The following DNAI4 variants were observed in gnomAD, a reference collection of about 807,000 sequenced individuals.
DNAI4 encodes the protein WD repeat domain 78.
A neutral mutation model predicts 105.8 loss-of-function variants in DNAI4; 85 were observed. The observed-to-expected ratio is 0.80, with a 90% CI of 0.67 to 0.96. The LOEUF (loss-of-function observed/expected upper bound fraction) is 0.96, where lower values mean the gene tolerates loss of function less well. Among genes scored for constraint, DNAI4 ranks in the 40% least tolerant of loss-of-function variants. DNAI4 has a pLI of 0.00. For missense variants in DNAI4, 1,014 were observed against 1,005.6 expected, an observed-to-expected ratio of 1.01 and a Z score of -0.11; for synonymous variants, 352 against 331.5, an observed-to-expected ratio of 1.06 and a Z score of -0.67.
In DNAI4 at chr1:66,835,559, A is replaced by G. The variant is rs1572615647; in HGVS notation, c.1733+67T>C. ...AACAAAAATATTTACTCAAAACTAA[A>G]TAACATTAGAGTAAATCCTCCTGAA... On this transcript the variant is annotated intron_variant, in intron 11 of 16. Transcript: ENST00000371026. 20 of 1,497,476 alleles carry G rather than the reference A, an allele frequency of 1.3e-5. No individual in the cohort carries two copies. In the East Asian group the frequency reaches 1.8e-4, roughly 14 times the overall value. The allele number at this position is 1,497,476 out of a possible 1,614,324, so 92.8% of individuals were successfully genotyped here. A position where few individuals can be genotyped will look rare whatever the true frequency, so the allele number is the denominator to read the frequency against.
chr1:66,873,933 C>G (rs890400666), intron 5 of DNAI4, among the ~76,000 whole-genome samples: 1 of 129,122 alleles, frequency 7.7e-6, no homozygotes, highest in Non-Finnish European at 1.6e-5. Flanking sequence ...TATTCATGAT[C>G]TAACATGTAC....
In DNAI4 at chr1:66,915,007, T is replaced by C. The variant is rs568931620; in HGVS notation, c.171-9632A>G. On this transcript the variant is annotated intron_variant, in intron 1 of 16. Transcript: ENST00000371026. ...TCCTAAGAATTGCCAGCATACATTTTGTTTGCATTTATTAATCAAGCAATT... is the reference window on the plus strand; with the variant it reads ...TCCTAAGAATTGCCAGCATACATTTCGTTTGCATTTATTAATCAAGCAATT... Among the ~76,000 whole-genome samples, 8 of 152,356 alleles carry C rather than the reference T, an allele frequency of 5.3e-5. No homozygotes were observed. The South Asian group carries it at 1.7e-3, about 32-fold the overall frequency.
chr1:66,852,203 A>T (rs1303251502), intron 7 of DNAI4, among the ~76,000 whole-genome samples: 1 of 151,810 alleles, frequency 6.6e-6, no homozygotes, highest in Non-Finnish European at 1.5e-5. Flanking sequence ...TATTAATAAT[A>T]TAATTTGAAT....
At chr1:66,875,730 A>C (rs1646946215) in intron 4 of DNAI4, among the ~76,000 whole-genome samples, 1 of 152,102 alleles carries the variant, frequency 6.6e-6, no homozygotes, top group Non-Finnish European at 1.5e-5. Flanking sequence ...CTTTAGGAAA[A>C]CTTAAAAACG....
intron 9 of DNAI4, 53 bp downstream of exon 9, chr1:66,840,416 A>G: frequency 6.6e-7 from 1 of 1,514,920 alleles, no homozygotes; most frequent in Non-Finnish European, 9.2e-7. Flanking sequence ...TTCGAACTTG[A>G]TAATTTCCCT....
At chr1:66,892,430 T>C (rs1290198984) in intron 3 of DNAI4, among the ~76,000 whole-genome samples, 1 of 152,300 alleles carries the variant, frequency 6.6e-6, no homozygotes, top group Non-Finnish European at 1.5e-5. Context: ...TGAAGAAAAA[T>C]GTCTAATGAG....
intron 13 of DNAI4, among the ~76,000 whole-genome samples, chr1:66,830,786 AAAAT>A (rs1434659335): frequency 6.6e-6 from 1 of 150,760 alleles, no homozygotes; most frequent in Non-Finnish European, 1.5e-5. Context: ...GTCTCAAAAA[AAAAT>A]AAATAAATAA....
chr1:66,904,354 T>C (rs1649076900), intron 2 of DNAI4, among the ~76,000 whole-genome samples: 1 of 152,188 alleles, frequency 6.6e-6, no homozygotes, highest in Admixed American at 6.5e-5. Context: ...TTCCTCCACA[T>C]ACTTGTCAAT....
At chr1:66,909,609 T>A (rs1446548659) in intron 1 of DNAI4, among the ~76,000 whole-genome samples, 1 of 152,010 alleles carries the variant, frequency 6.6e-6, no homozygotes, top group Non-Finnish European at 1.5e-5. Flanking sequence ...GGTTAACTCA[T>A]CTAATGCCAT....
At chr1:66,849,079 T>A (rs751434664) in intron 7 of DNAI4, among the ~76,000 whole-genome samples, 1 of 152,136 alleles carries the variant, frequency 6.6e-6, no homozygotes, top group Non-Finnish European at 1.5e-5. Context: ...CAGCTGGGGA[T>A]CCTGGAATTC....
intron 7 of DNAI4, among the ~76,000 whole-genome samples, chr1:66,851,592 T>C (rs1364873634): frequency 2.6e-5 from 4 of 151,796 alleles, no homozygotes; most frequent in Non-Finnish European, 5.9e-5. Flanking sequence ...CTTCTCCAAT[T>C]ACAGTGGAAT....
chr1:66,884,803 C>T (rs567101121), intron 4 of DNAI4, among the ~76,000 whole-genome samples: 2 of 152,268 alleles, frequency 1.3e-5, no homozygotes, highest in South Asian at 2.1e-4. Context: ...TACCAAATAG[C>T]GTAATTGCTT....
In DNAI4 at chr1:66,840,541, T is replaced by C. The variant is rs1386673463; in HGVS notation, c.1422A>G (p.Arg474=). 1 of 1,614,194 alleles carries C rather than the reference T, an allele frequency of 6.2e-7. No individual in the cohort carries two copies. Among genetic ancestry groups the C allele is most frequent in the South Asian group, 1.1e-5 (1 of 91,082 alleles). The change falls in exon 9 of 17, where the codon CGA becomes CGG. Residue 474 remains arginine (R), a synonymous_variant. Transcript: ENST00000371026. ...TTAAGTCACAGGAAAAAGACCAAAG[T>C]CGTTCCAAGTTGGCGGGTATTGTTG... ...EESTIPANLE[R]LWSFSCDLTK...
At chr1:66,821,976 G>A (rs1415355080) in intron 16 of DNAI4, among the ~76,000 whole-genome samples, 1 of 151,996 alleles carries the variant, frequency 6.6e-6, no homozygotes, top group Non-Finnish European at 1.5e-5. Context: ...CCCATTTCAG[G>A]AACATTGGAA....
chr1:66,833,733 C>T (rs770180802), intron 12 of DNAI4, 27 bp from the exon 13 acceptor site: 5 of 1,605,462 alleles, frequency 3.1e-6, no homozygotes, highest in Non-Finnish European at 4.2e-6. Context: ...ACATATATAA[C>T]TTGTTATTTA....
chr1:66,874,677 G>GTA, intron 5 of DNAI4, 104 bp downstream of exon 5: 2 of 1,183,698 alleles, frequency 1.7e-6, no homozygotes, highest in Non-Finnish European at 2.4e-6. Flanking sequence ...ACCCCATAGT[G>GTA]TATACCCCAG....
intron 16 of DNAI4, among the ~76,000 whole-genome samples, chr1:66,814,560 C>CGG (rs1645476903): frequency 2.6e-5 from 4 of 152,006 alleles, no homozygotes; most frequent in African/African-American, 7.2e-5. Flanking sequence ...AGTAGAGATA[C>CGG]GGTTTCACTG....
At chr1:66,830,627 A>G (rs1455670123) in intron 13 of DNAI4, among the ~76,000 whole-genome samples, 2 of 151,860 alleles carry the variant, frequency 1.3e-5, no homozygotes, top group East Asian at 1.9e-4. Context: ...AAAAAATTCA[A>G]AAAAGTAGCT....
chr1:66,840,156 C>T (rs147707696), intron 9 of DNAI4, among the ~76,000 whole-genome samples: 45 of 152,198 alleles, frequency 3.0e-4, no homozygotes, highest in African/African-American at 9.4e-4. Context: ...ATATACCAAT[C>T]GTATAGTTTA....
Sources: allele counts gnomAD v4.1 joint callset (sites outside exome capture counted in the v4.1 genomes callset), GRCh38; gene constraint gnomAD v4.1.1; transcripts MANE v1.5; gene names NCBI Gene and HGNC (gene_info 2026-07-23, HGNC 2026-07-21).